The following BRDT variants were observed in gnomAD, a reference collection of about 807,000 sequenced individuals.
BRDT encodes bromodomain testis-specific protein.
BRDT carries 77 observed loss-of-function variants against 113.9 expected under a neutral mutation model. The ratio of observed to expected loss-of-function variants is 0.68; its 90% confidence interval spans 0.56 to 0.82. The LOEUF is 0.82. Ranked by LOEUF, BRDT falls within the 40% of genes least tolerant of loss-of-function variation. The pLI, the probability that BRDT is intolerant of heterozygous loss-of-function variation, is 0.00. For missense variants in BRDT, 1,027 were observed against 1,105.4 expected (o/e 0.93, Z 1.01); for synonymous variants, 358 against 366.5 (o/e 0.98, Z 0.26).
At chr1:91,980,598 T>C in intron 8 of BRDT, 45 bp from the exon 9 acceptor site, 1 of 1,346,850 alleles carries the variant, frequency 7.4e-7, no homozygotes, top group East Asian at 2.7e-5. Flanking sequence ...GTTTCTTTAA[T>C]TATTTAGAGA....
At chr1:91,996,409 C>T (rs1024189643) in intron 15 of BRDT, among the ~76,000 whole-genome samples, 24 of 152,212 alleles carry the variant, frequency 1.6e-4, no homozygotes, top group Middle Eastern at 3.4e-3. Context: ...CCACCATATG[C>T]GGCTAATTTT....
chr1:91,953,183 A>G (rs1201405252), intron 1 of BRDT, among the ~76,000 whole-genome samples: 2 of 150,510 alleles, frequency 1.3e-5, no homozygotes, highest in Admixed American at 6.7e-5. Flanking sequence ...TGCAGAAACT[A>G]TTTTCTCCCT....
At chr1:91,984,677 C>A (rs1440919695) in intron 12 of BRDT, among the ~76,000 whole-genome samples, 1 of 152,034 alleles carries the variant, frequency 6.6e-6, no homozygotes, top group African/African-American at 2.4e-5. Flanking sequence ...GCTCTGTCGC[C>A]CAGGCTACAG....
At chr1:91,966,778 T>C (rs1412878215) in intron 3 of BRDT, among the ~76,000 whole-genome samples, 2 of 152,010 alleles carry the variant, frequency 1.3e-5, no homozygotes, top group Non-Finnish European at 2.9e-5. Flanking sequence ...GATTGAAAAA[T>C]TGAATATGTT....
chr1:91,976,166 T>C lies in BRDT; in HGVS notation c.446-100T>C, dbSNP rs1684119463. The C allele has an allele frequency of 3.3e-6, 4 of 1,228,608 alleles. No homozygotes were observed. The South Asian group carries it at 5.4e-5, about 17-fold the overall frequency. 76.1% of individuals were successfully genotyped at this position (1,228,608 alleles called of 1,614,324 possible). On this transcript the variant is annotated intron_variant, in intron 4 of 18. Transcript: ENST00000399546. ...ATGAAATAAGTATCCTATGCTTATATTGCTAAAAAGCTGAACTAAATGAAA... is the reference window on the plus strand; with the variant it reads ...ATGAAATAAGTATCCTATGCTTATACTGCTAAAAAGCTGAACTAAATGAAA...
Position 91,949,502 on chromosome 1 carries a change from TATACAGGTAAC to T in BRDT, c.-207_-197del, listed in dbSNP as rs1680802526. 6.6e-6 allele frequency: 1 copy of T among 152,232 alleles called. No individual in the cohort carries two copies. Among genetic ancestry groups the T allele is most frequent in the Admixed American group, 6.5e-5 (1 of 15,284 alleles). The allele number at this position is 152,232 out of a possible 1,614,324, so 9.4% of individuals were successfully genotyped here. ...CAATCACATAAGGTCGGTTTTGTAA[TATACAGGTAAC>T]ATACAGGTAATGTACCCTCCACAGG... On this transcript the variant is annotated 5_prime_UTR_variant, in exon 1 of 19. It adds an upstream start codon to the 5' untranslated region. Coordinates refer to ENST00000399546, the MANE Select transcript of BRDT (RefSeq NM_207189.4).
At chr1:91,951,249 G>A (rs987381162) in intron 1 of BRDT, among the ~76,000 whole-genome samples, 1 of 152,174 alleles carries the variant, frequency 6.6e-6, no homozygotes, top group Non-Finnish European at 1.5e-5. Flanking sequence ...AAAGGGGTTT[G>A]TATAGCATGA....
chr1:91,978,516 T>C (rs1684370731), intron 7 of BRDT, among the ~76,000 whole-genome samples: 1 of 152,240 alleles, frequency 6.6e-6, no homozygotes, highest in Non-Finnish European at 1.5e-5. Flanking sequence ...TTTTGAGTTC[T>C]TGCATCCTTT....
Position 91,979,677 on chromosome 1 carries a change from A to C in BRDT, c.1207A>C (p.Asn403His), listed in dbSNP as rs558537881. 3.7e-6 allele frequency: 6 copies of C among 1,613,974 alleles called. No homozygotes were observed. In the Admixed American group the frequency reaches 5.0e-5, roughly 13 times the overall value. ...ITETTGRENT[N>H]EASSEGNSSD... Reference sequence around the variant, plus strand: ...AGAAACCACTGGTAGAGAGAACACTAATGAAGCCTCCTCTGAAGGGAACTC... The same window carrying C: ...AGAAACCACTGGTAGAGAGAACACTCATGAAGCCTCCTCTGAAGGGAACTC... Residue 403 changes from asparagine (N) to histidine (H), a missense_variant, in exon 8 of 19, where the codon AAT (asparagine) becomes CAT (histidine). Transcript: ENST00000399546.
At chr1:91,977,448 A>G in intron 6 of BRDT, 55 bp downstream of exon 6, 5 of 1,322,084 alleles carry the variant, frequency 3.8e-6, no homozygotes, top group South Asian at 3.1e-5. Flanking sequence ...AAAGTAATTC[A>G]TCATTGCAAA....
intron 12 of BRDT, among the ~76,000 whole-genome samples, chr1:91,986,352 TA>T (rs1221005000): frequency 6.6e-6 from 1 of 152,190 alleles, no homozygotes; most frequent in African/African-American, 2.4e-5. Context: ...AGCTTATCAA[TA>T]GGAGTACTTT....
At chr1:91,959,562 C>T (rs1249274655) in intron 1 of BRDT, among the ~76,000 whole-genome samples, 1 of 151,958 alleles carries the variant, frequency 6.6e-6, no homozygotes, top group African/African-American at 2.4e-5. Flanking sequence ...CTCATTGCAG[C>T]CTCTACCTCC....
chr1:91,990,255 C>G (rs532611912), intron 12 of BRDT, among the ~76,000 whole-genome samples: 3 of 152,302 alleles, frequency 2.0e-5, no homozygotes, highest in Non-Finnish European at 2.9e-5. Context: ...AGAGGAGATA[C>G]TATAAAACTC....
At chr1:91,959,263 G>A (rs961521448) in intron 1 of BRDT, among the ~76,000 whole-genome samples, 1 of 152,080 alleles carries the variant, frequency 6.6e-6, no homozygotes, top group Non-Finnish European at 1.5e-5. Flanking sequence ...AGTGATTGGA[G>A]TGGTTAACCT....
Position 91,964,783 on chromosome 1 carries a change from A to T in BRDT, c.330+19A>T, listed in dbSNP as rs199899960. On this transcript the variant is annotated intron_variant, in intron 3 of 18. Coordinates refer to ENST00000399546, the MANE Select transcript of BRDT (RefSeq NM_207189.4). ...TAACAAGGTATGTAAGCCTTATGTT[A>T]TACTTGCTAATTCTTTGCCATTACA... The T allele has an allele frequency of 2.2e-6, 3 of 1,388,874 alleles. No homozygotes were observed. Among genetic ancestry groups the T allele is most frequent in the East Asian group, 4.8e-5 (2 of 42,084 alleles). The allele number at this position is 1,388,874 out of a possible 1,614,324, so 86.0% of individuals were successfully genotyped here.
chr1:91,998,677 A>T (rs1686571600), intron 15 of BRDT, among the ~76,000 whole-genome samples: 1 of 152,204 alleles, frequency 6.6e-6, no homozygotes, highest in Non-Finnish European at 1.5e-5. Context: ...CCTAAAGTGA[A>T]GTTTAAGGAG....
chr1:92,009,067 ACTGT>A (rs1185658869), intron 18 of BRDT, among the ~76,000 whole-genome samples: 3 of 152,102 alleles, frequency 2.0e-5, no homozygotes, highest in South Asian at 2.1e-4. Context: ...TGGAATTCCT[ACTGT>A]CTAACTGAAA....
rs563284481 is a variant in BRDT at position 91,998,948 on chromosome 1, G to A, written c.2288-3101G>A. Among the ~76,000 whole-genome samples, 3 of 152,286 alleles carry A rather than the reference G, an allele frequency of 2.0e-5. No individual in the cohort carries two copies. The South Asian group carries it at 6.2e-4, about 32-fold the overall frequency. ...CAGGTTTAGATCATTTAACCCTTTAGATACTTTGGACTTAATTATAATAGC... is the reference window on the plus strand; with the variant it reads ...CAGGTTTAGATCATTTAACCCTTTAAATACTTTGGACTTAATTATAATAGC... On this transcript the variant is annotated intron_variant, in intron 15 of 18. Transcript: ENST00000399546.
At chr1:92,008,479 C>G (rs562388975) in intron 18 of BRDT, among the ~76,000 whole-genome samples, 1 of 152,124 alleles carries the variant, frequency 6.6e-6, no homozygotes, top group African/African-American at 2.4e-5. Flanking sequence ...CCTCCCCCAC[C>G]ATCAATGTCA....
Sources: gnomAD v4.1 joint callset for allele counts (sites outside exome capture counted in the v4.1 genomes callset) on GRCh38, gnomAD v4.1.1 for gene constraint, MANE v1.5 for transcripts, NCBI Gene and HGNC (gene_info 2026-07-23, HGNC 2026-07-21) for gene names.